Variants in HS6ST3 observed in about 807,000 individuals in gnomAD.
HS6ST3 encodes the protein heparan sulfate 6-O-sulfotransferase 3.
HS6ST3 carries 12 observed loss-of-function variants against 36.7 expected under a neutral mutation model. That is an observed-to-expected ratio of 0.33 (90% CI 0.21 to 0.53). The LOEUF (loss-of-function observed/expected upper bound fraction) is 0.53, where lower values mean the gene tolerates loss of function less well. Ranked by LOEUF, HS6ST3 falls within the 20% of genes least tolerant of loss-of-function variation. The pLI is 0.95. For synonymous variants in HS6ST3, 240 were observed against 257.5 expected (o/e 0.93, Z 0.65); for missense variants, 584 against 640.9 (o/e 0.91, Z 0.96).
chr13:96,676,068 T>C (rs755121370), intron 1 of HS6ST3, among the ~76,000 whole-genome samples: 3 of 152,122 alleles, frequency 2.0e-5, no homozygotes, highest in Non-Finnish European at 4.4e-5. Flanking sequence ...CAGAACTGCT[T>C]CTTGGAACAG....
At chr13:96,125,752 C>CT (rs202101109) in intron 1 of HS6ST3, among the ~76,000 whole-genome samples, 3,004 of 151,528 alleles carry the variant, frequency 0.02, 86 homozygotes, top group African/African-American at 0.067. Context: ...TTTCTTATTT[C>CT]TTTTTTCTTC....
chr13:96,211,990 T>C (rs2054401373), intron 1 of HS6ST3, among the ~76,000 whole-genome samples: 2 of 152,246 alleles, frequency 1.3e-5, no homozygotes, highest in South Asian at 4.1e-4. Context: ...GCAAGTTCTG[T>C]TAATTTCACA....
intron 1 of HS6ST3, 70 bp from the exon 2 acceptor site, chr13:96,832,420 A>T (rs1878821204): frequency 4.2e-6 from 5 of 1,190,820 alleles, no homozygotes; most frequent in Middle Eastern, 2.5e-4. Flanking sequence ...GCCGATGTAA[A>T]ATTATAAAAA....
At chr13:96,200,550 C>G (rs184879967) in intron 1 of HS6ST3, among the ~76,000 whole-genome samples, 29 of 152,336 alleles carry the variant, frequency 1.9e-4, no homozygotes, top group Admixed American at 1.7e-3. Context: ...TTCCTCTTCT[C>G]TCCCCAGACC....
chr13:96,618,173 C>G (rs2056481342), intron 1 of HS6ST3, among the ~76,000 whole-genome samples: 1 of 152,126 alleles, frequency 6.6e-6, no homozygotes, highest in Non-Finnish European at 1.5e-5. Flanking sequence ...AATCATAGCT[C>G]ACTGCAAGCT....
intron 1 of HS6ST3, among the ~76,000 whole-genome samples, chr13:96,217,335 A>G (rs1463878008): frequency 6.6e-6 from 1 of 152,120 alleles, no homozygotes; most frequent in African/African-American, 2.4e-5. Flanking sequence ...AATCTTAGAG[A>G]TTTAAAATAC....
intron 1 of HS6ST3, among the ~76,000 whole-genome samples, chr13:96,198,759 A>C (rs149276207): frequency 1.1e-4 from 16 of 152,270 alleles, no homozygotes; most frequent in Non-Finnish European, 7.4e-5. Context: ...CCATTCAACA[A>C]GTTTCTAGGA....
intron 1 of HS6ST3, among the ~76,000 whole-genome samples, chr13:96,149,193 T>C (rs1180098455): frequency 6.6e-6 from 1 of 152,146 alleles, no homozygotes; most frequent in Non-Finnish European, 1.5e-5. Context: ...TTATTGATGA[T>C]TCGGGCTCCA....
chr13:96,277,162 C>A (rs1348315054), intron 1 of HS6ST3, among the ~76,000 whole-genome samples: 1 of 152,186 alleles, frequency 6.6e-6, no homozygotes, highest in East Asian at 1.9e-4. Flanking sequence ...GGATGCCCTT[C>A]CTGTATCTTG....
intron 1 of HS6ST3, among the ~76,000 whole-genome samples, chr13:96,278,048 C>G (rs1296352437): frequency 6.6e-6 from 1 of 152,212 alleles, no homozygotes; most frequent in Non-Finnish European, 1.5e-5. Flanking sequence ...ATTTTAAAGA[C>G]ATGGCTGACA....
At chr13:96,120,631 A>G (rs1416733528) in intron 1 of HS6ST3, among the ~76,000 whole-genome samples, 1 of 152,124 alleles carries the variant, frequency 6.6e-6, no homozygotes. Flanking sequence ...TTATAAGGAG[A>G]TACAAATCTA....
intron 1 of HS6ST3, among the ~76,000 whole-genome samples, chr13:96,214,317 G>T (rs895524742): frequency 6.6e-6 from 1 of 152,122 alleles, no homozygotes; most frequent in African/African-American, 2.4e-5. Context: ...AATTGCAGCT[G>T]CTTACATAGC....
chr13:96,764,145 C>T (rs1481943032), intron 1 of HS6ST3, among the ~76,000 whole-genome samples: 1 of 152,124 alleles, frequency 6.6e-6, no homozygotes, highest in East Asian at 1.9e-4. Context: ...TTAAATAAAG[C>T]CTTTTCTATT....
At chr13:96,531,220 C>G (rs1389736324) in intron 1 of HS6ST3, among the ~76,000 whole-genome samples, 6 of 152,138 alleles carry the variant, frequency 3.9e-5, no homozygotes, top group Admixed American at 3.9e-4. Flanking sequence ...ATCCCTCTTC[C>G]CCACCATTTT....
intron 1 of HS6ST3, among the ~76,000 whole-genome samples, chr13:96,132,463 G>T (rs1245487797): frequency 6.6e-6 from 1 of 151,624 alleles, no homozygotes; most frequent in South Asian, 2.1e-4. Flanking sequence ...GGAGTGCAGT[G>T]GCACACAATC....
At chr13:96,267,212 C>A (rs2054696809) in intron 1 of HS6ST3, among the ~76,000 whole-genome samples, 1 of 152,156 alleles carries the variant, frequency 6.6e-6, no homozygotes, top group Non-Finnish European at 1.5e-5. Context: ...GCCTCCCCAG[C>A]CATGTGGAAC....
chr13:96,104,781 T>C (rs1385890508), intron 1 of HS6ST3, among the ~76,000 whole-genome samples: 1 of 152,158 alleles, frequency 6.6e-6, no homozygotes, highest in African/African-American at 2.4e-5. Flanking sequence ...CTTGGCCGTG[T>C]TTTCCCCTCT....
chr13:96,221,688 G>A (rs2054456290), intron 1 of HS6ST3, among the ~76,000 whole-genome samples: 1 of 152,124 alleles, frequency 6.6e-6, no homozygotes, highest in Admixed American at 6.5e-5. Context: ...CAAGCTAGGA[G>A]CTGGCTGCAA....
At chr13:96,554,077 A>G (rs1467924056) in intron 1 of HS6ST3, among the ~76,000 whole-genome samples, 23 of 152,230 alleles carry the variant, frequency 1.5e-4, no homozygotes. Context: ...CTAGCTGGAA[A>G]TAGATGTGAA....
Sources: gnomAD v4.1 joint callset for allele counts (sites outside exome capture counted in the v4.1 genomes callset) on GRCh38, gnomAD v4.1.1 for gene constraint, MANE v1.5 for transcripts, NCBI Gene and HGNC (gene_info 2026-07-23, HGNC 2026-07-21) for gene names.